RUBCN: variants seen among roughly 807,000 people sequenced by gnomAD.
RUBCN encodes the protein rubicon autophagy regulator, also known as run domain Beclin-1-interacting and cysteine-rich domain-containing protein.
In RUBCN, 74 loss-of-function variants were observed where a neutral mutation model predicts 113.2. The observed-to-expected ratio is 0.65, with a 90% CI of 0.54 to 0.79. The LOEUF (loss-of-function observed/expected upper bound fraction) is 0.79, where lower values mean the gene tolerates loss of function less well. RUBCN is among the 30% of genes least tolerant of loss of function. The probability of loss-of-function intolerance (pLI) is 0.00; values close to 1 mark genes in which losing one functional copy is unlikely to be tolerated. For missense variants in RUBCN, 1,109 were observed against 1,251.7 expected, an observed-to-expected ratio of 0.89 and a Z score of 1.72; for synonymous variants, 480 against 490.0, an observed-to-expected ratio of 0.98 and a Z score of 0.27.
upstream of RUBCN, chr3:197,736,920 C>T (rs1420435433): frequency 3.0e-6 from 4 of 1,355,314 alleles, no homozygotes; most frequent in Non-Finnish European, 3.8e-6. Flanking sequence ...CTTCCGGCTC[C>T]GGGGACTACA....
chr3:197,690,586 G>C (rs1391244333), intron 11 of RUBCN, among the ~76,000 whole-genome samples: 1 of 152,198 alleles, frequency 6.6e-6, no homozygotes, highest in Non-Finnish European at 1.5e-5. Flanking sequence ...ATCTACAGCA[G>C]TAAATCCTAC....
upstream of RUBCN, among the ~76,000 whole-genome samples, chr3:197,737,805 T>A (rs1419138139): frequency 1.3e-5 from 2 of 152,144 alleles, no homozygotes; most frequent in African/African-American, 4.8e-5. Context: ...TGGTCATCCT[T>A]ATGGGGGATA....
chr3:197,678,654 C>G (rs963713582), intron 16 of RUBCN, among the ~76,000 whole-genome samples: 9 of 151,640 alleles, frequency 5.9e-5, no homozygotes, highest in Non-Finnish European at 1.3e-4. Flanking sequence ...TAACTGACAA[C>G]TGGCTTCAGA....
intron 2 of RUBCN, among the ~76,000 whole-genome samples, chr3:197,715,418 G>C (rs960783843): frequency 3.9e-5 from 6 of 151,910 alleles, no homozygotes; most frequent in Non-Finnish European, 7.4e-5. Context: ...AAACTCAAAG[G>C]GTATTCTAAA....
intron 1 of RUBCN, among the ~76,000 whole-genome samples, chr3:197,748,786 ACATGGGATC>A (rs1334479356): frequency 2.6e-5 from 4 of 152,250 alleles, no homozygotes; most frequent in African/African-American, 9.6e-5. Context: ...ATATTTTAAA[ACATGGGATC>A]CCCAAGCAAA....
At chr3:197,727,542 T>C (rs1329632524) in intron 1 of RUBCN, among the ~76,000 whole-genome samples, 4 of 152,212 alleles carry the variant, frequency 2.6e-5, no homozygotes, top group Admixed American at 2.6e-4. Context: ...TGCAGCATAA[T>C]GAAGTTTGGT....
In RUBCN at chr3:197,695,965, C is replaced by G; in HGVS notation, c.1374G>C (p.Leu458=). ...LYMEYEGGRY[L]CSGEGMFRRP... ...TTCGGAACATGCCTTCCCCTGAGCA[C>G]AGGTACCGACCACCTTCTGTGGGAA... Residue 458 remains leucine, a synonymous_variant, in exon 9 of 20, where the codon CTG becomes CTC. Coordinates refer to ENST00000296343, the MANE Select transcript of RUBCN (RefSeq NM_014687.4). 6.2e-7 allele frequency: 1 copy of G among 1,614,166 alleles called. No individual in the cohort carries two copies. The highest frequency in any genetic ancestry group is 8.5e-7 in the Non-Finnish European group (1 of 1,180,026).
chr3:197,734,872 T>C (rs1306388221), intron 1 of RUBCN, among the ~76,000 whole-genome samples: 1 of 152,188 alleles, frequency 6.6e-6, no homozygotes, highest in African/African-American at 2.4e-5. Flanking sequence ...GCACAAATCA[T>C]TCTCAGATCT....
chr3:197,701,176 G>A (rs969148664), intron 6 of RUBCN, 30 bp from the exon 7 acceptor site: 2 of 1,497,104 alleles, frequency 1.3e-6, no homozygotes, highest in Admixed American at 2.2e-5. Context: ...GGTAAGGGGA[G>A]CAAGGGTGAG....
At chr3:197,696,451 G>T (rs1037687539) in intron 8 of RUBCN, among the ~76,000 whole-genome samples, 2 of 151,886 alleles carry the variant, frequency 1.3e-5, no homozygotes, top group African/African-American at 2.4e-5. Context: ...GTTGGAAAAC[G>T]GTAGAATAAA....
chr3:197,749,099 A>G (rs1728888810), intron 1 of RUBCN, among the ~76,000 whole-genome samples: 3 of 152,386 alleles, frequency 2.0e-5, no homozygotes, highest in South Asian at 4.1e-4. Flanking sequence ...TGAGGTAAGA[A>G]GAGAGGTAAA....
In RUBCN at chr3:197,696,964, G is replaced by T. The variant is rs757134210; in HGVS notation, c.1347C>A (p.Tyr449Ter). Residue 449 changes from tyrosine (Y) to a stop codon, truncating the protein, a stop_gained, in exon 8 of 20, where the codon TAC (tyrosine) becomes TAA (stop). Transcript: ENST00000296343. LOFTEE classifies it high-confidence loss of function. ...SSEVSTPSSL[Y>*]MEYEGGRYLC... The stretch of plus-strand genomic sequence containing the variant: ...CTTCCTAGTACTCACCATATTCCAT[G>T]TACAGAGAGCTGGGTGTGCTGACTT... 2 of 1,586,594 alleles carry T rather than the reference G, an allele frequency of 1.3e-6. No individual in the cohort carries two copies. The highest frequency in any genetic ancestry group is 1.7e-6 in the Non-Finnish European group (2 of 1,154,920).
At chr3:197,745,871 C>T (rs1728722940) in intron 1 of RUBCN, among the ~76,000 whole-genome samples, 1 of 151,896 alleles carries the variant, frequency 6.6e-6, no homozygotes, top group Admixed American at 6.6e-5. Flanking sequence ...ATGCTGTCTC[C>T]ACTAAAAATA....
At position 197,671,006 on chromosome 3, in the gene RUBCN, T is replaced by G. The variant is rs371017015; in HGVS notation, c.*4012A>C. On this transcript the variant is annotated 3_prime_UTR_variant, in exon 20 of 20. Transcript: ENST00000296343. Reference sequence around the variant, plus strand: ...CGCCCCTCATGCCACAGTGTGCTGGTGCTTTTTTTGTTTTGTTTTGTTTTT... The same window carrying G: ...CGCCCCTCATGCCACAGTGTGCTGGGGCTTTTTTTGTTTTGTTTTGTTTTT... Among the ~76,000 whole-genome samples the G allele has an allele frequency of 1.8e-4, 27 of 151,940 alleles. No homozygotes were observed. The highest frequency in any genetic ancestry group is 6.3e-4 in the African/African-American group (26 of 41,342).
At position 197,701,010 on chromosome 3, in the gene RUBCN, AG is replaced by A. The variant is rs1194236300; in HGVS notation, c.863del (p.Pro288LeufsTer2). 1 of 1,614,062 alleles carries A rather than the reference AG, an allele frequency of 6.2e-7. No homozygotes were observed. The highest frequency in any genetic ancestry group is 8.5e-7 in the Non-Finnish European group (1 of 1,180,036). On this transcript the variant is annotated frameshift_variant, in exon 7 of 20. Coordinates refer to ENST00000296343, the MANE Select transcript of RUBCN (RefSeq NM_014687.4). LOFTEE classifies it high-confidence loss of function. ...TGGAGCTCATTTCATTTGGGGTCAA[AG>A]GGGAATCCCTGGCTAGTGCAGAGAC... is the stretch of plus-strand genomic sequence containing the variant. ...VSVSALARDS[P>X]LTPNEMSSST...
chr3:197,671,519 T>C lies in RUBCN; in HGVS notation c.*3499A>G, dbSNP rs928268800. On this transcript the variant is annotated 3_prime_UTR_variant, in exon 20 of 20. Transcript: ENST00000296343. Reference sequence around the variant, plus strand: ...CTCAGTGTGCCACTTACAGAGGAAGTTGAAGACAATTAATTTTCAAACCTG... The same window carrying C: ...CTCAGTGTGCCACTTACAGAGGAAGCTGAAGACAATTAATTTTCAAACCTG... 1.3e-5 allele frequency: 2 copies of C among 152,210 alleles called. No homozygotes were observed. Among genetic ancestry groups the C allele is most frequent in the African/African-American group, 4.8e-5 (2 of 41,444 alleles). 9.4% of individuals were successfully genotyped at this position (152,210 alleles called of 1,614,324 possible).
chr3:197,720,995 T>C (rs1441866760), intron 1 of RUBCN, among the ~76,000 whole-genome samples: 12 of 152,100 alleles, frequency 7.9e-5, no homozygotes, highest in Non-Finnish European at 4.4e-5. Context: ...TTTTTTAATG[T>C]GCAGCGATTA....
chr3:197,699,952 G>A lies in RUBCN; in HGVS notation c.1261+661C>T, dbSNP rs559644232. Among the ~76,000 whole-genome samples the A allele has an allele frequency of 5.3e-5, 8 of 152,080 alleles. No homozygotes were observed. In the East Asian group the frequency reaches 9.6e-4, roughly 18 times the overall value. Reference sequence around the variant, plus strand: ...AAACAAAACCCAACCAAAGCCTGCCGGATACCACAAGCCGGGAAGGATGAT... The same window carrying A: ...AAACAAAACCCAACCAAAGCCTGCCAGATACCACAAGCCGGGAAGGATGAT... On this transcript the variant is annotated intron_variant, in intron 7 of 19. Coordinates refer to ENST00000296343, the MANE Select transcript of RUBCN (RefSeq NM_014687.4).
At chr3:197,735,766 A>T (rs1728054334) in intron 1 of RUBCN, among the ~76,000 whole-genome samples, 1 of 151,828 alleles carries the variant, frequency 6.6e-6, no homozygotes, top group Non-Finnish European at 1.5e-5. Flanking sequence ...TAATTTTTGT[A>T]TTTTTGTAGA....
Sources: gnomAD v4.1 joint callset for allele counts (sites outside exome capture counted in the v4.1 genomes callset) on GRCh38, gnomAD v4.1.1 for gene constraint, MANE v1.5 for transcripts, NCBI Gene and HGNC (gene_info 2026-07-23, HGNC 2026-07-21) for gene names.